The following DYNC1H1 variants were observed in gnomAD, a reference collection of about 807,000 sequenced individuals.
DYNC1H1 encodes dynein cytoplasmic 1 heavy chain 1, also known as cytoplasmic dynein 1 heavy chain 1.
DYNC1H1 carries 51 observed loss-of-function variants against 527.1 expected under a neutral mutation model. The ratio of observed to expected loss-of-function variants is 0.10; its 90% CI spans 0.08 to 0.12. DYNC1H1 has a LOEUF of 0.12. Among genes scored for constraint, DYNC1H1 ranks in the 10% least tolerant of loss-of-function variants. The pLI is 1.00. For missense variants in DYNC1H1, 2,771 were observed against 5,971.8 expected (o/e 0.46, Z 17.66); for synonymous variants, 2,189 against 2,278.8 (o/e 0.96, Z 1.12).
In DYNC1H1 at chr14:102,012,175, C is replaced by A; in HGVS notation, c.6857+62C>A. ...ATATGGGCGCTAAGTACTTTGCTCT[C>A]ACAAGAGCAGAGTATACGTTATTTT... On this transcript the variant is annotated intron_variant, in intron 33 of 77. Transcript: ENST00000360184. The surrounding 1 kb of genome is among the most constrained non-coding windows in gnomAD (Gnocchi z 4.9). 6.2e-7 allele frequency: 1 copy of A among 1,605,026 alleles called. No individual in the cohort carries two copies. The highest frequency in any genetic ancestry group is 8.5e-7 in the Non-Finnish European group (1 of 1,171,938).
intron 42 of DYNC1H1, among the ~76,000 whole-genome samples, chr14:102,021,084 T>A (rs1254651494): frequency 2.6e-5 from 4 of 151,402 alleles, no homozygotes; most frequent in South Asian, 2.1e-4. Context: ...CCTTTTCAAT[T>A]AAAAAAAAAT....
intron 51 of DYNC1H1, among the ~76,000 whole-genome samples, chr14:102,031,435 A>G (rs10135027): frequency 0.33 from 49,625 of 151,822 alleles, 10,510 homozygotes; most frequent in African/African-American, 0.61. Flanking sequence ...GGGTTTTGCC[A>G]TATTGCCCAG....
In DYNC1H1 at chr14:102,039,508, A is replaced by G. The variant is rs777634435; in HGVS notation, c.11557A>G (p.Thr3853Ala). Reference protein sequence around the residue: ...NPNLKGVTDHTQRLSIITKDL... With the variant: ...NPNLKGVTDHAQRLSIITKDL... ...GAACCTGAAGGGTGTCACCGACCAC[A>G]CACAGCGCCTGTCCATTATAACAAA... is the stretch of plus-strand genomic sequence containing the variant. Residue 3853 changes from threonine (T) to alanine (A), a missense_variant, in exon 61 of 78, where the codon ACA becomes GCA. Around this residue, in one of 32 missense-constraint regions of DYNC1H1, gnomAD observed 283 missense variants for 737.6 expected, o/e 0.38. Coordinates refer to ENST00000360184, the MANE Select transcript of DYNC1H1 (RefSeq NM_001376.5). The surrounding 1 kb of genome is among the most constrained non-coding windows in gnomAD (Gnocchi z 7.0). 1 of 1,614,246 alleles carries G rather than the reference A, an allele frequency of 6.2e-7. No homozygotes were observed. The highest frequency in any genetic ancestry group is 1.1e-5 in the South Asian group (1 of 91,084).
rs754132562 is a variant in DYNC1H1, at chr14:102,005,839, T to C, written c.5434-49T>C. ...CAGTCCACAAACCCGGAGAATGCAC[T>C]GTATTGCTTTAGTGTAGATGAACTT... is the stretch of plus-strand genomic sequence containing the variant. On this transcript the variant is annotated intron_variant, in intron 26 of 77. Coordinates refer to ENST00000360184, the MANE Select transcript of DYNC1H1 (RefSeq NM_001376.5). The surrounding 1 kb of genome is among the most constrained non-coding windows in gnomAD (Gnocchi z 4.0). The C allele has an allele frequency of 6.2e-7, 1 of 1,611,168 alleles. No homozygotes were observed. The highest frequency in any genetic ancestry group is 2.2e-5 in the East Asian group (1 of 44,878).
rs1324948272 is a variant in DYNC1H1, at chr14:101,970,470, G to GTTTTTTT, written c.257-5240_257-5239insTTTTTTT. ...GTGGTATTAGTATGTTTGGTTTGTT[G>GTTTTTTT]TTGTTTTTTTTTTTTTTTTTTTTTT... On this transcript the variant is annotated intron_variant, in intron 1 of 77. Transcript: ENST00000360184. 2.8e-3 allele frequency among the ~76,000 whole-genome samples: 272 copies of GTTTTTTT among 96,268 alleles called. 41 individuals are homozygous for GTTTTTTT. Among genetic ancestry groups the GTTTTTTT allele is most frequent in the African/African-American group, 7.4e-3 (155 of 21,040 alleles). 63.2% of individuals were successfully genotyped at this position (96,268 alleles called of 152,430 possible).
At chr14:102,037,145 GC>G in intron 57 of DYNC1H1, 1 of 177,180 alleles carries the variant, frequency 5.6e-6, no homozygotes, top group Non-Finnish European at 1.2e-5. Flanking sequence ...GCAAGAAACA[GC>G]CAGGCGTGGT....
At position 102,036,526 on chromosome 14, in the gene DYNC1H1, G is replaced by A. The variant is rs1446944059; in HGVS notation, c.10792G>A (p.Glu3598Lys). ...LIIDPSGQAT[E>K]FIMNEYKDRK... The stretch of plus-strand genomic sequence containing the variant: ...CATTGACCCCTCTGGACAGGCCACA[G>A]AATTCATTATGAATGAATATAAGGA... Residue 3598 changes from glutamate (E) to lysine (K), a missense_variant, in exon 57 of 78, where the codon GAA (glutamate) becomes AAA (lysine). This residue lies in a region of DYNC1H1 where 283 missense variants were observed against 737.6 expected (regional missense o/e 0.38). Coordinates refer to ENST00000360184, the MANE Select transcript of DYNC1H1 (RefSeq NM_001376.5). The surrounding 1 kb of genome is among the most constrained non-coding windows in gnomAD (Gnocchi z 5.6). The A allele has an allele frequency of 1.2e-6, 2 of 1,613,928 alleles. No individual in the cohort carries two copies. Among genetic ancestry groups the A allele is most frequent in the African/African-American group, 2.7e-5 (2 of 74,908 alleles).
rs1450632403 is a variant in DYNC1H1, at chr14:102,011,042, C to G, written c.6618+90C>G. 2.2e-6 allele frequency: 3 copies of G among 1,386,614 alleles called. No individual in the cohort carries two copies. The highest frequency in any genetic ancestry group is 3.1e-6 in the Non-Finnish European group (3 of 975,756). The allele number at this position is 1,386,614 out of a possible 1,614,324, so 85.9% of individuals were successfully genotyped here. A position where few individuals can be genotyped will look rare whatever the true frequency, so the allele number is the denominator to read the frequency against. ...GACAACCGTGGGCCCTTCGATGAAA[C>G]TGTCCACAAAGGCTGTGGAGGTGCA... On this transcript the variant is annotated intron_variant, in intron 32 of 77. Transcript: ENST00000360184. The surrounding 1 kb of genome is among the most constrained non-coding windows in gnomAD (Gnocchi z 5.3).
intron 34 of DYNC1H1, among the ~76,000 whole-genome samples, chr14:102,014,829 T>A (rs577112969): frequency 7.6e-4 from 116 of 152,016 alleles, no homozygotes; most frequent in African/African-American, 2.4e-3. Flanking sequence ...GCAGAAAAAA[T>A]TTTTTTGAGA....
chr14:102,022,558 A>C (rs1462301822), intron 42 of DYNC1H1, among the ~76,000 whole-genome samples, 193 bp from the exon 43 acceptor site: 1 of 152,156 alleles, frequency 6.6e-6, no homozygotes, highest in Non-Finnish European at 1.5e-5. Context: ...ATAAATAAAT[A>C]AATAAAATTT....
chr14:101,979,961 G>T lies in DYNC1H1; in HGVS notation c.761G>T (p.Arg254Leu). Residue 254 changes from arginine to leucine, a missense_variant, in exon 4 of 78, where the codon CGA (arginine) becomes CTA (leucine). By Grantham distance (102) the Arg-to-Leu change is moderately radical. Around this residue, in one of 32 missense-constraint regions of DYNC1H1, gnomAD observed 146 missense variants for 288.1 expected, o/e 0.51. Transcript: ENST00000360184. The surrounding 1 kb of genome is among the most constrained non-coding windows in gnomAD (Gnocchi z 4.6). ...CAATCTGGAGTTAACCGCTGGATCC[G>T]AGAAATTCAAAAAGTAAGAGCACAG... ...QLQSGVNRWI[R>L]EIQKVTKLDR... The T allele has an allele frequency of 6.2e-7, 1 of 1,614,148 alleles. No homozygotes were observed. Among genetic ancestry groups the T allele is most frequent in the South Asian group, 1.1e-5 (1 of 91,068 alleles).
At chr14:101,994,527 A>C in intron 12 of DYNC1H1, 146 bp from the exon 13 acceptor site, 1 of 1,326,064 alleles carries the variant, frequency 7.5e-7, no homozygotes, top group East Asian at 2.4e-5. Context: ...CTTTTTTGAT[A>C]TGAAAATTCT....
intron 29 of DYNC1H1, among the ~76,000 whole-genome samples, chr14:102,008,786 C>T (rs1420987894): frequency 1.3e-5 from 2 of 152,050 alleles, no homozygotes; most frequent in African/African-American, 4.8e-5. Flanking sequence ...AAACTGTTCC[C>T]CCAAAAAAAG....
At position 102,040,000 on chromosome 14, in the gene DYNC1H1, G is replaced by T. The variant is rs1375764772; in HGVS notation, c.11691-236G>T. 2.0e-5 allele frequency among the ~76,000 whole-genome samples: 3 copies of T among 152,072 alleles called. No homozygotes were observed. The highest frequency in any genetic ancestry group is 1.9e-4 in the East Asian group (1 of 5,188). ...CTATAGGCGCAGGCCACCACATCTG[G>T]CTAATTTTTTTTGTATTTTTAGTAG... On this transcript the variant is annotated intron_variant, in intron 62 of 77. Coordinates refer to ENST00000360184, the MANE Select transcript of DYNC1H1 (RefSeq NM_001376.5). The surrounding 1 kb of genome is among the most constrained non-coding windows in gnomAD (Gnocchi z 7.0).
intron 5 of DYNC1H1, among the ~76,000 whole-genome samples, 184 bp downstream of exon 5, chr14:101,980,734 A>G (rs2047853754): frequency 6.6e-6 from 1 of 152,168 alleles, no homozygotes; most frequent in Non-Finnish European, 1.5e-5. Flanking sequence ...TCTCCTACAC[A>G]CTTAGCTTTC....
intron 23 of DYNC1H1, 103 bp downstream of exon 23, chr14:102,003,068 A>G: frequency 6.7e-7 from 1 of 1,493,236 alleles, no homozygotes; most frequent in East Asian, 2.3e-5. Flanking sequence ...GTTAGTTTTG[A>G]CATCAAGGAT....
At chr14:101,987,369 A>G (rs1379776873) in intron 8 of DYNC1H1, 84 bp from the exon 9 acceptor site, 2 of 1,421,550 alleles carry the variant, frequency 1.4e-6, no homozygotes, top group Non-Finnish European at 1.9e-6. Flanking sequence ...TTGTCAATGT[A>G]TAATATTTGA....
chr14:101,995,094 A>G lies in DYNC1H1; in HGVS notation c.3442A>G (p.Lys1148Glu), dbSNP rs758205241. 6.2e-7 allele frequency: 1 copy of G among 1,614,054 alleles called. No individual in the cohort carries two copies. The highest frequency in any genetic ancestry group is 8.5e-7 in the Non-Finnish European group (1 of 1,180,042). Reference sequence around the variant, plus strand: ...GACGGAATTCCATTCCCAGATCTCAAAGGTGAGGACATAGGATTCTGCCTC... The same window carrying G: ...GACGGAATTCCATTCCCAGATCTCAGAGGTGAGGACATAGGATTCTGCCTC... The part of the protein sequence containing the change: ...NMTEFHSQIS[K>E]SRQELEQHSV... The change falls in exon 14 of 78, where the codon AAG becomes GAG. Residue 1148 changes from lysine to glutamate, a missense_variant and splice_region_variant. Physicochemically the swap from Lys to Glu is moderately conservative, Grantham distance 56. Around this residue, in one of 32 missense-constraint regions of DYNC1H1, gnomAD observed 223 missense variants for 462.5 expected, o/e 0.48. Coordinates refer to ENST00000360184, the MANE Select transcript of DYNC1H1 (RefSeq NM_001376.5).
In DYNC1H1 at chr14:102,016,543, C is replaced by G; in HGVS notation, c.7614+54C>G. 6.2e-7 allele frequency: 1 copy of G among 1,613,784 alleles called. No homozygotes were observed. ...TGATTCTCGCCTTGTTGATTTAACT[C>G]ATCCTGGAACAAGCTGACCATGGAC... On this transcript the variant is annotated intron_variant, in intron 37 of 77. Transcript: ENST00000360184. The surrounding 1 kb of genome is among the most constrained non-coding windows in gnomAD (Gnocchi z 7.3).
Sources: allele counts gnomAD v4.1 joint callset (sites outside exome capture counted in the v4.1 genomes callset), GRCh38; gene constraint gnomAD v4.1.1; regional missense constraint gnomAD v4.1.1; non-coding constraint Gnocchi (gnomAD v3.1); transcripts MANE v1.5; gene names NCBI Gene and HGNC (gene_info 2026-07-23, HGNC 2026-07-21).